The following ETV6 variants were observed in gnomAD, a reference collection of about 807,000 sequenced individuals.
ETV6 encodes the protein transcription factor ETV6.
In ETV6, 16 loss-of-function variants were observed where a neutral mutation model predicts 51.1. The ratio of observed to expected loss-of-function variants is 0.31; its 90% CI spans 0.21 to 0.48. The LOEUF (loss-of-function observed/expected upper bound fraction) is 0.48. Ranked by LOEUF, ETV6 falls within the 20% of genes least tolerant of loss-of-function variation. The pLI is 0.99. For synonymous variants in ETV6, 240 were observed against 224.1 expected (o/e 1.07, Z -0.64); for missense variants, 458 against 594.8 (o/e 0.77, Z 2.39).
chr12:11,778,367 G>A (rs1416209400), intron 2 of ETV6, among the ~76,000 whole-genome samples: 2 of 152,220 alleles, frequency 1.3e-5, no homozygotes, highest in Non-Finnish European at 2.9e-5. Context: ...TGAGCCACTT[G>A]AGGAGAGGTG....
chr12:11,751,550 A>G (rs919669041), intron 1 of ETV6: 1 of 486,124 alleles, frequency 2.1e-6, no homozygotes, highest in Non-Finnish European at 4.1e-6. Flanking sequence ...GTTTCTTGCC[A>G]TTATTTGCGG....
intron 2 of ETV6, among the ~76,000 whole-genome samples, chr12:11,838,147 C>T (rs1422024404): frequency 2.6e-5 from 4 of 152,260 alleles, no homozygotes; most frequent in Non-Finnish European, 1.5e-5. Context: ...CAATCTGTTG[C>T]AAGATCACAT....
chr12:11,813,344 C>G (rs1236344465), intron 2 of ETV6, among the ~76,000 whole-genome samples: 1 of 152,212 alleles, frequency 6.6e-6, no homozygotes, highest in Non-Finnish European at 1.5e-5. Flanking sequence ...ACCTTCCTGC[C>G]TGCAGCACAG....
At chr12:11,851,497 C>G (rs182999477) in intron 3 of ETV6, among the ~76,000 whole-genome samples, 54 of 152,294 alleles carry the variant, frequency 3.5e-4, no homozygotes, top group Admixed American at 3.3e-3. Flanking sequence ...AGAGACATCA[C>G]CATGACTACT....
intron 1 of ETV6, among the ~76,000 whole-genome samples, chr12:11,750,190 G>A (rs1462293240): frequency 6.6e-6 from 1 of 152,246 alleles, no homozygotes; most frequent in African/African-American, 2.4e-5. Context: ...AGAAGTGAAA[G>A]CACACCAAGG....
At chr12:11,808,982 G>A (rs919924200) in intron 2 of ETV6, among the ~76,000 whole-genome samples, 7 of 152,072 alleles carry the variant, frequency 4.6e-5, no homozygotes, top group Admixed American at 1.3e-4. Context: ...TGGCCAACAC[G>A]GCAAAACCCT....
rs1028307858 is a variant in ETV6 at position 11,752,616 on chromosome 12, TGGCGTGG to T, written c.163+42_163+48del. The T allele has an allele frequency of 1.9e-6, 3 of 1,586,666 alleles. No homozygotes were observed. In the African/African-American group the frequency reaches 4.0e-5, roughly 21 times the overall value. On this transcript the variant is annotated intron_variant, in intron 2 of 7. Transcript: ENST00000396373. ...TGACCCGAGAGGGACAGAGGATTGATGGCGTGGGGCGGGGGTGGCAGGCAGTGGGCTC... is the reference window on the plus strand; with the variant it reads ...TGACCCGAGAGGGACAGAGGATTGATGGCGGGGGTGGCAGGCAGTGGGCTC...
rs1947334459 is a variant in ETV6, at chr12:11,893,756, G to GTGTTTAGA, written c.*2711_*2718dup. The GTGTTTAGA allele has an allele frequency of 5.6e-6, 1 of 178,866 alleles. No individual in the cohort carries two copies. The highest frequency in any genetic ancestry group is 6.8e-5 in the Admixed American group (1 of 14,794). 11.1% of individuals were successfully genotyped at this position (178,866 alleles called of 1,614,324 possible). A position where few individuals can be genotyped will look rare whatever the true frequency, so the allele number is the denominator to read the frequency against. ...TATATATGAGCCATAAATGAATTTT[G>GTGTTTAGA]TGTTTAGACTTTGTGTCCATCCCCA... On this transcript the variant is annotated 3_prime_UTR_variant, in exon 8 of 8. Transcript: ENST00000396373.
Position 11,869,353 on chromosome 12 carries a change from T to C in ETV6, c.464-71T>C. 3 of 1,426,344 alleles carry C rather than the reference T, an allele frequency of 2.1e-6. No individual in the cohort carries two copies. Among genetic ancestry groups the C allele is most frequent in the Non-Finnish European group, 2.9e-6 (3 of 1,042,968 alleles). 88.4% of individuals were successfully genotyped at this position (1,426,344 alleles called of 1,614,324 possible). On this transcript the variant is annotated intron_variant, in intron 4 of 7. Transcript: ENST00000396373. This position sits in a 1 kb window ranked among gnomAD's most constrained non-coding sequence, Gnocchi z 5.0. ...TACACGCTCCTCCATTTACCGCCTG[T>C]AGAGCCGCAGGGAGTTTCCTGTCCT...
intron 1 of ETV6, among the ~76,000 whole-genome samples, chr12:11,728,628 G>C (rs1475044475): frequency 1.3e-5 from 2 of 151,986 alleles, no homozygotes; most frequent in Non-Finnish European, 2.9e-5. Flanking sequence ...AGGACTGCTT[G>C]TCTATGCCTT....
intron 2 of ETV6, among the ~76,000 whole-genome samples, chr12:11,835,189 A>G (rs753274087): frequency 3.3e-5 from 5 of 152,174 alleles, no homozygotes; most frequent in Non-Finnish European, 7.3e-5. Context: ...ATTTTTAGTA[A>G]CTTTCTTAAT....
chr12:11,881,671 T>G (rs7312954), intron 5 of ETV6, among the ~76,000 whole-genome samples: 4,949 of 152,188 alleles, frequency 0.033, 288 homozygotes, highest in African/African-American at 0.11. Flanking sequence ...ACCTTGGTAG[T>G]TAGTTAGGAT....
At chr12:11,715,603 C>G (rs11054429) in intron 1 of ETV6, among the ~76,000 whole-genome samples, 49,007 of 152,208 alleles carry the variant, frequency 0.32, 8,094 homozygotes, top group East Asian at 0.44. Flanking sequence ...CTCCTCTGCC[C>G]TGCTGCTTTC....
At chr12:11,861,066 G>A (rs1235212535) in intron 4 of ETV6, among the ~76,000 whole-genome samples, 1 of 152,160 alleles carries the variant, frequency 6.6e-6, no homozygotes, top group African/African-American at 2.4e-5. Flanking sequence ...GCAGTATCTG[G>A]CGAGCGCTGG....
chr12:11,664,156 T>C (rs1261345284), intron 1 of ETV6, among the ~76,000 whole-genome samples: 3 of 152,182 alleles, frequency 2.0e-5, no homozygotes, highest in African/African-American at 7.2e-5. Context: ...TGAACATCAG[T>C]CCGTGCCAGT....
intron 1 of ETV6, among the ~76,000 whole-genome samples, chr12:11,749,746 T>C (rs1223682714): frequency 6.6e-6 from 1 of 152,176 alleles, no homozygotes; most frequent in Non-Finnish European, 1.5e-5. Flanking sequence ...TTTGTTCTCC[T>C]TGGAACAGAG....
At chr12:11,880,542 T>G (rs1397964803) in intron 5 of ETV6, among the ~76,000 whole-genome samples, 1 of 152,178 alleles carries the variant, frequency 6.6e-6, no homozygotes, top group Admixed American at 6.5e-5. Flanking sequence ...TTCACTGTTT[T>G]ATGAGAAGTA....
intron 1 of ETV6, among the ~76,000 whole-genome samples, chr12:11,706,659 C>A (rs1327529755): frequency 6.6e-6 from 1 of 152,172 alleles, no homozygotes; most frequent in African/African-American, 2.4e-5. Flanking sequence ...AGATAAGAGG[C>A]AAGTGGAGAG....
At chr12:11,769,158 A>C (rs1356974974) in intron 2 of ETV6, among the ~76,000 whole-genome samples, 1 of 152,352 alleles carries the variant, frequency 6.6e-6, no homozygotes, top group African/African-American at 2.4e-5. Context: ...TTCACAGAAC[A>C]TACATCTGTT....
Sources: gnomAD v4.1 joint callset for allele counts (sites outside exome capture counted in the v4.1 genomes callset) on GRCh38, gnomAD v4.1.1 for gene constraint, Gnocchi (gnomAD v3.1) non-coding constraint, MANE v1.5 for transcripts, NCBI Gene and HGNC (gene_info 2026-07-23, HGNC 2026-07-21) for gene names.